ANKRD16: variants seen among roughly 807,000 people sequenced by gnomAD.
ANKRD16 encodes the protein ankyrin repeat domain-containing protein 16.
ANKRD16 carries 35 observed loss-of-function variants against 37.9 expected under a neutral mutation model. That is an observed-to-expected ratio of 0.92 (90% CI 0.71 to 1.23). ANKRD16 has a LOEUF of 1.23. Ranked by LOEUF, ANKRD16 falls within the 50% of genes most tolerant of loss-of-function variation. The pLI is 0.00. For synonymous variants in ANKRD16, 206 were observed against 197.2 expected (o/e 1.04, Z -0.37); for missense variants, 480 against 469.9 (o/e 1.02, Z -0.20).
chr10:5,887,858 A>G lies in ANKRD16; in HGVS notation c.524T>C (p.Leu175Pro), dbSNP rs1444253803. Residue 175 changes from leucine (L) to proline (P), a missense_variant, in exon 2 of 8, where the codon CTG becomes CCG. Transcript: ENST00000380094. ...KTESKIRRTP[L>P]HTAAMHGHLE... ...GCTGTAGGCTGTACCTGCAGTATGC[A>G]GAGGAGTCCTTCTAATTTTGCTCTC... 1 of 1,613,370 alleles carries G rather than the reference A, an allele frequency of 6.2e-7. No homozygotes were observed. Among genetic ancestry groups the G allele is most frequent in the East Asian group, 2.2e-5 (1 of 44,898 alleles).
intron 5 of ANKRD16, among the ~76,000 whole-genome samples, chr10:5,882,193 G>C (rs909181077): frequency 6.6e-6 from 1 of 152,176 alleles, no homozygotes; most frequent in Non-Finnish European, 1.5e-5. Flanking sequence ...AGCACATCAT[G>C]TGTATCTACC....
rs188689933 is a variant in ANKRD16, at chr10:5,885,337, C to T, written c.578+386G>A. On this transcript the variant is annotated intron_variant, in intron 3 of 7. Transcript: ENST00000380094. ...CTGGGACTACAGGCGCCCGCCACCA[C>T]GCCCGGCTAATTTTTTTTGAATTTT... is the stretch of plus-strand genomic sequence containing the variant. Among the ~76,000 whole-genome samples, 3 of 152,150 alleles carry T rather than the reference C, an allele frequency of 2.0e-5. No homozygotes were observed. The South Asian group carries it at 6.2e-4, about 32-fold the overall frequency.
Position 5,871,035 on chromosome 10 carries a change from G to A in ANKRD16, c.*33+7062C>T, listed in dbSNP as rs1044423039. On this transcript the variant is annotated intron_variant, in intron 7 of 7. Coordinates refer to ENST00000380094, the MANE Select transcript of ANKRD16 (RefSeq NM_019046.3). The surrounding 1 kb of genome is among the most constrained non-coding windows in gnomAD (Gnocchi z 4.5). ...CACACAGGCCAATCAAGTCCCTGTC[G>A]TCACCACGATTGGCAGAGGCCAGCC... Among the ~76,000 whole-genome samples, 5 of 152,160 alleles carry A rather than the reference G, an allele frequency of 3.3e-5. No individual in the cohort carries two copies. The highest frequency in any genetic ancestry group is 2.1e-4 in the South Asian group (1 of 4,830).
rs1842153417 is a variant in ANKRD16, at chr10:5,874,330, G to C, written c.*33+3767C>G. Among the ~76,000 whole-genome samples, 1 of 152,248 alleles carries C rather than the reference G, an allele frequency of 6.6e-6. No individual in the cohort carries two copies. The highest frequency in any genetic ancestry group is 1.5e-5 in the Non-Finnish European group (1 of 68,048). ...CTGGCAAGTGTAGTACGTGCTCTGG[G>C]AGGCAGGTTAAGCCACAATTGGCAA... is the stretch of plus-strand genomic sequence containing the variant. On this transcript the variant is annotated intron_variant, in intron 7 of 7. Transcript: ENST00000380094. This position sits in a 1 kb window ranked among gnomAD's most constrained non-coding sequence, Gnocchi z 4.7.
intron 7 of ANKRD16, among the ~76,000 whole-genome samples, chr10:5,867,497 A>T (rs917717482): frequency 6.6e-6 from 1 of 152,256 alleles, no homozygotes; most frequent in Non-Finnish European, 1.5e-5. Flanking sequence ...CATTTCTAAG[A>T]TAATATGGAC....
chr10:5,881,445 T>A (rs7898014), intron 5 of ANKRD16, among the ~76,000 whole-genome samples: 905 of 17,622 alleles, frequency 0.051, 26 homozygotes, highest in African/African-American at 0.14. Flanking sequence ...TATTTATATA[T>A]ATATATATAT....
intron 7 of ANKRD16, among the ~76,000 whole-genome samples, chr10:5,876,093 A>G (rs1000169381): frequency 1.3e-5 from 2 of 152,204 alleles, no homozygotes; most frequent in Admixed American, 6.5e-5. Context: ...CATGTTGGCC[A>G]GGCAGGTCTT....
intron 7 of ANKRD16, among the ~76,000 whole-genome samples, chr10:5,867,685 T>A (rs1225917519): frequency 6.6e-6 from 1 of 152,156 alleles, no homozygotes; most frequent in Admixed American, 6.5e-5. Flanking sequence ...TGCAGAGCCA[T>A]CCACTAATAC....
intron 5 of ANKRD16, 144 bp downstream of exon 5, chr10:5,882,862 C>T (rs977907532): frequency 2.3e-6 from 2 of 887,476 alleles, no homozygotes; most frequent in Non-Finnish European, 3.3e-6. Flanking sequence ...TAAAGCGCTT[C>T]AGAATCCTGA....
rs575987981 is a variant in ANKRD16 at position 5,888,548 on chromosome 10, ATC to A, written c.315-483_315-482del. On this transcript the variant is annotated intron_variant, in intron 1 of 7. Transcript: ENST00000380094. The stretch of plus-strand genomic sequence containing the variant: ...GGCTTGTGTGATGGTGGAGCAGAGT[ATC>A]TCTGACTGTGGTGGTTATGCAAGGC... Among the ~76,000 whole-genome samples, 605 of 152,362 alleles carry A rather than the reference ATC, an allele frequency of 4.0e-3. 4 individuals carry two copies. The highest frequency in any genetic ancestry group is 0.014 in the African/African-American group (576 of 41,580).
chr10:5,878,979 C>G lies in ANKRD16; in HGVS notation c.929-692G>C, dbSNP rs1490108034. ...ATATCACCACAAATAATCACGTAGC[C>G]AAAAAAACACTTTTGAACAAGCTTC... On this transcript the variant is annotated intron_variant, in intron 6 of 7. Coordinates refer to ENST00000380094, the MANE Select transcript of ANKRD16 (RefSeq NM_019046.3). The surrounding 1 kb of genome is among the most constrained non-coding windows in gnomAD (Gnocchi z 5.1). Among the ~76,000 whole-genome samples, 2 of 151,848 alleles carry G rather than the reference C, an allele frequency of 1.3e-5. No individual in the cohort carries two copies. Among genetic ancestry groups the G allele is most frequent in the Non-Finnish European group, 2.9e-5 (2 of 67,958 alleles).
In ANKRD16 at chr10:5,861,708, T is replaced by C. The variant is rs2131748104; in HGVS notation, c.*1017A>G. 6.6e-6 allele frequency: 1 copy of C among 152,254 alleles called. No individual in the cohort carries two copies. Among genetic ancestry groups the C allele is most frequent in the South Asian group, 2.1e-4 (1 of 4,824 alleles). 9.4% of individuals were successfully genotyped at this position (152,254 alleles called of 1,614,324 possible). On this transcript the variant is annotated 3_prime_UTR_variant, in exon 8 of 8. Coordinates refer to ENST00000380094, the MANE Select transcript of ANKRD16 (RefSeq NM_019046.3). The stretch of plus-strand genomic sequence containing the variant: ...AGAATCATTGACATTTATTATTTAC[T>C]ACACATCAGACACGGTGTTAAGTGG...
intron 7 of ANKRD16, among the ~76,000 whole-genome samples, chr10:5,875,947 G>A (rs192677953): frequency 9.8e-4 from 148 of 150,860 alleles, no homozygotes; most frequent in African/African-American, 3.4e-3. Context: ...ACAGTGGCAC[G>A]ATCTCGGCTC....
chr10:5,880,635 A>AG (rs1296711662), intron 5 of ANKRD16, among the ~76,000 whole-genome samples: 4 of 146,448 alleles, frequency 2.7e-5, no homozygotes, highest in Admixed American at 6.9e-5. Flanking sequence ...TAAAAGGAGC[A>AG]GGGGGGGGAT....
chr10:5,876,957 A>G (rs189063337), intron 7 of ANKRD16, among the ~76,000 whole-genome samples: 75 of 152,350 alleles, frequency 4.9e-4, no homozygotes, highest in East Asian at 1.5e-3. Flanking sequence ...AAGAGGCTAT[A>G]ATATTTTTTA....
rs1007416713 is a variant in ANKRD16, at chr10:5,878,690, C to T, written c.929-403G>A. Among the ~76,000 whole-genome samples, 9 of 150,436 alleles carry T rather than the reference C, an allele frequency of 6.0e-5. No individual in the cohort carries two copies. Among genetic ancestry groups the T allele is most frequent in the South Asian group, 2.1e-4 (1 of 4,760 alleles). On this transcript the variant is annotated intron_variant, in intron 6 of 7. Coordinates refer to ENST00000380094, the MANE Select transcript of ANKRD16 (RefSeq NM_019046.3). This position sits in a 1 kb window ranked among gnomAD's most constrained non-coding sequence, Gnocchi z 5.1. ...GTGCATGCCTGTAATCCCAGCTACT[C>T]GGGAGGCTGAGGCAGGAAAATCGCT...
rs1236700759 is a variant in ANKRD16, at chr10:5,862,036, G to A, written c.*689C>T. On this transcript the variant is annotated 3_prime_UTR_variant, in exon 8 of 8. Transcript: ENST00000380094. This position sits in a 1 kb window ranked among gnomAD's most constrained non-coding sequence, Gnocchi z 6.5. ...CCTGCCTCAGCCTCCTGAGTAGCTG[G>A]GACTACAGGCGCCCACCACCATGCC... 6.1e-6 allele frequency: 1 copy of A among 164,822 alleles called. No individual in the cohort carries two copies. The highest frequency in any genetic ancestry group is 6.0e-5 in the Admixed American group (1 of 16,744). 10.2% of individuals were successfully genotyped at this position (164,822 alleles called of 1,614,324 possible). A position where few individuals can be genotyped will look rare whatever the true frequency, so the allele number is the denominator to read the frequency against.
In ANKRD16 at chr10:5,868,542, G is replaced by T. The variant is rs2104285; in HGVS notation, c.*34-5851C>A. On this transcript the variant is annotated intron_variant, in intron 7 of 7. Transcript: ENST00000380094. This position sits in a 1 kb window ranked among gnomAD's most constrained non-coding sequence, Gnocchi z 4.9. ...AATCAGCGCTCTGTGTCTAGCTAAA[G>T]GATTGTAAACACACCAATCAGCACT... 0.42 allele frequency among the ~76,000 whole-genome samples: 63,153 copies of T among 152,018 alleles called. 13,660 individuals are homozygous for T. The highest frequency in any genetic ancestry group is 0.47 in the African/African-American group (19,520 of 41,448).
At position 5,863,835 on chromosome 10, in the gene ANKRD16, C is replaced by A. The variant is rs944646831; in HGVS notation, c.*34-1144G>T. On this transcript the variant is annotated intron_variant, in intron 7 of 7. Transcript: ENST00000380094. The surrounding 1 kb of genome is among the most constrained non-coding windows in gnomAD (Gnocchi z 4.7). ...ACTGTAACACTCACTGCGAGGTCCA[C>A]GGCTTCATTGTTGAAGTCAGTGAGA... Among the ~76,000 whole-genome samples, 2 of 152,108 alleles carry A rather than the reference C, an allele frequency of 1.3e-5. No individual in the cohort carries two copies. The highest frequency in any genetic ancestry group is 2.9e-5 in the Non-Finnish European group (2 of 68,024).
Sources: gnomAD v4.1 joint callset for allele counts (sites outside exome capture counted in the v4.1 genomes callset) on GRCh38, gnomAD v4.1.1 for gene constraint, Gnocchi (gnomAD v3.1) non-coding constraint, MANE v1.5 for transcripts, NCBI Gene and HGNC (gene_info 2026-07-23, HGNC 2026-07-21) for gene names.